HERC4: variants seen among roughly 807,000 people sequenced by gnomAD.
HERC4 encodes the protein HECT and RLD domain containing E3 ubiquitin protein ligase 4, also known as probable E3 ubiquitin-protein ligase HERC4.
HERC4 carries 28 observed loss-of-function variants against 124.3 expected under a neutral mutation model. That is an observed-to-expected ratio of 0.23 (90% CI 0.17 to 0.31). HERC4 has a LOEUF of 0.31. HERC4 is among the 10% of genes least tolerant of loss of function. HERC4 has a pLI of 1.00. For synonymous variants in HERC4, 407 were observed against 421.5 expected (o/e 0.97, Z 0.42); for missense variants, 713 against 1,229.3 (o/e 0.58, Z 6.28).
chr10:68,012,962 T>C (rs1437688319), intron 9 of HERC4, among the ~76,000 whole-genome samples: 1 of 152,348 alleles, frequency 6.6e-6, no homozygotes, highest in East Asian at 1.9e-4. Flanking sequence ...ATGTTACTAT[T>C]GCAATTGTTT....
chr10:68,012,747 T>C (rs1039907491), intron 9 of HERC4, among the ~76,000 whole-genome samples: 12 of 152,252 alleles, frequency 7.9e-5, no homozygotes, highest in African/African-American at 2.9e-4. Flanking sequence ...GTTGGAAAAA[T>C]GGTGCCAACT....
At chr10:68,071,685 G>GT (rs2041583864) in intron 3 of HERC4, among the ~76,000 whole-genome samples, 1 of 152,092 alleles carries the variant, frequency 6.6e-6, no homozygotes, top group African/African-American at 2.4e-5. Context: ...TGAAAATCTG[G>GT]TAGGAATCCA....
chr10:67,954,201 T>C (rs2033994872), intron 19 of HERC4: 1 of 153,788 alleles, frequency 6.5e-6, no homozygotes, highest in African/African-American at 2.4e-5. Context: ...TTTTTTTTCT[T>C]TGAGATTAAT....
chr10:68,032,963 T>C (rs2039285573), intron 6 of HERC4, 94 bp from the exon 7 acceptor site: 1 of 692,050 alleles, frequency 1.4e-6, no homozygotes, highest in African/African-American at 1.8e-5. Flanking sequence ...CAGTAGATAG[T>C]TGTGACTAAA....
intron 14 of HERC4, among the ~76,000 whole-genome samples, chr10:67,989,835 A>C (rs1450525096): frequency 2.6e-5 from 4 of 152,044 alleles, no homozygotes; most frequent in Non-Finnish European, 5.9e-5. Context: ...TAAAGGGCTT[A>C]TATCAGGGTT....
rs375028936 is a variant in HERC4, at chr10:68,039,096, C to G, written c.387-927G>C. The stretch of plus-strand genomic sequence containing the variant: ...GGTAGGCGGATCACTTGAGGTCAGT[C>G]AGGAGTTTGAGACCAGACTGGCCAA... On this transcript the variant is annotated intron_variant, in intron 4 of 24. Coordinates refer to ENST00000373700, the MANE Select transcript of HERC4 (RefSeq NM_015601.4). Among the ~76,000 whole-genome samples the G allele has an allele frequency of 1.6e-4, 24 of 147,888 alleles. No homozygotes were observed. The East Asian group carries it at 2.4e-3, about 15-fold the overall frequency.
chr10:67,939,277 T>C (rs1217354198), intron 21 of HERC4, among the ~76,000 whole-genome samples: 1 of 152,224 alleles, frequency 6.6e-6, no homozygotes, highest in Non-Finnish European at 1.5e-5. Flanking sequence ...TTTGTCAATA[T>C]CTTTAGCATA....
At chr10:67,949,610 AC>A (rs1419955302) in intron 19 of HERC4, among the ~76,000 whole-genome samples, 2 of 152,226 alleles carry the variant, frequency 1.3e-5, no homozygotes, top group Non-Finnish European at 2.9e-5. Flanking sequence ...AGGATTATAC[AC>A]TATTACCAAG....
chr10:68,048,147 G>A (rs1433524639), intron 3 of HERC4, among the ~76,000 whole-genome samples: 1 of 151,794 alleles, frequency 6.6e-6, no homozygotes, highest in Non-Finnish European at 1.5e-5. Context: ...ATGAACTCCT[G>A]GGCTCAAGTG....
intron 9 of HERC4, chr10:67,994,549 C>T (rs960945436): frequency 6.6e-6 from 1 of 152,254 alleles, no homozygotes; most frequent in African/African-American, 2.4e-5. Flanking sequence ...TGTCCCACCT[C>T]AGCCTCCCAA....
chr10:68,050,257 C>T (rs991560820), intron 3 of HERC4, among the ~76,000 whole-genome samples: 2 of 152,064 alleles, frequency 1.3e-5, no homozygotes, highest in Non-Finnish European at 2.9e-5. Context: ...GGAACAATAG[C>T]GTGGTCAAAT....
chr10:68,025,225 C>CA (rs942225072), intron 8 of HERC4, among the ~76,000 whole-genome samples: 1 of 148,508 alleles, frequency 6.7e-6, no homozygotes. Context: ...TCTATCACCC[C>CA]AAAAAGGAAA....
At chr10:68,054,650 T>C (rs1279312219) in intron 3 of HERC4, among the ~76,000 whole-genome samples, 3 of 152,164 alleles carry the variant, frequency 2.0e-5, no homozygotes, top group Admixed American at 2.0e-4. Context: ...TCCCATTTTA[T>C]GATTCTGACT....
At chr10:67,952,567 C>A (rs374207170) in intron 19 of HERC4, among the ~76,000 whole-genome samples, 1 of 151,078 alleles carries the variant, frequency 6.6e-6, no homozygotes. Flanking sequence ...CCACTGGGCC[C>A]GGCCAAAAAA....
At chr10:68,065,940 T>C (rs1274748212) in intron 3 of HERC4, among the ~76,000 whole-genome samples, 1 of 152,072 alleles carries the variant, frequency 6.6e-6, no homozygotes, top group African/African-American at 2.4e-5. Context: ...TCATAACTCA[T>C]TACAATTTAA....
intron 8 of HERC4, among the ~76,000 whole-genome samples, chr10:68,016,910 A>C (rs2038306013): frequency 6.6e-6 from 1 of 152,184 alleles, no homozygotes; most frequent in South Asian, 2.1e-4. Flanking sequence ...GAATTACAAA[A>C]CTGGATAACA....
At chr10:67,924,930 CTG>C (rs2030711685) in intron 24 of HERC4, among the ~76,000 whole-genome samples, 153 bp downstream of exon 24, 1 of 152,104 alleles carries the variant, frequency 6.6e-6, no homozygotes, top group Non-Finnish European at 1.5e-5. Context: ...TGAAGGCAAA[CTG>C]AATTTAGCCT....
At chr10:68,043,674 GCT>G (rs2039880058) in intron 4 of HERC4, among the ~76,000 whole-genome samples, 1 of 152,096 alleles carries the variant, frequency 6.6e-6, no homozygotes, top group Non-Finnish European at 1.5e-5. Flanking sequence ...AAATTAGCCA[GCT>G]GTGGTGGTGG....
intron 21 of HERC4, 21 bp downstream of exon 21, chr10:67,939,567 A>C (rs754514187): frequency 6.6e-7 from 1 of 1,526,108 alleles, no homozygotes; most frequent in Non-Finnish European, 9.0e-7. Flanking sequence ...AATCAGGCTA[A>C]CCTATGTCCT....
Sources: allele counts gnomAD v4.1 joint callset (sites outside exome capture counted in the v4.1 genomes callset), GRCh38; gene constraint gnomAD v4.1.1; transcripts MANE v1.5; gene names NCBI Gene and HGNC (gene_info 2026-07-23, HGNC 2026-07-21).